The following SDK1 variants were observed in gnomAD, a reference collection of about 807,000 sequenced individuals.
The protein encoded by SDK1 is sidekick cell adhesion molecule 1.
Under a neutral mutation model 245.5 loss-of-function variants are expected in SDK1, and 157 were observed. The ratio of observed to expected loss-of-function variants is 0.64; its 90% CI spans 0.56 to 0.73. The LOEUF (loss-of-function observed/expected upper bound fraction) is 0.73. SDK1 is among the 30% of genes least tolerant of loss of function. The pLI, the probability that SDK1 is intolerant of heterozygous loss-of-function variation, is 0.00. For synonymous variants in SDK1, 1,647 were observed against 1,278.5 expected, an observed-to-expected ratio of 1.29 and a Z score of -6.15; for missense variants, 3,583 against 3,002.3, an observed-to-expected ratio of 1.19 and a Z score of -4.52.
At chr7:3,676,502 T>A (rs1583297163) in intron 4 of SDK1, among the ~76,000 whole-genome samples, 1 of 152,034 alleles carries the variant, frequency 6.6e-6, no homozygotes, top group Non-Finnish European at 1.5e-5. Context: ...ATTTTTTATA[T>A]TGTTAGTAGA....
At chr7:3,509,326 C>T (rs990782466) in intron 1 of SDK1, among the ~76,000 whole-genome samples, 2 of 152,060 alleles carry the variant, frequency 1.3e-5, no homozygotes, top group Non-Finnish European at 2.9e-5. Context: ...AATCCTGGAG[C>T]CGGAGCTGCT....
chr7:4,245,312 C>G (rs1445950426), intron 43 of SDK1, among the ~76,000 whole-genome samples: 1 of 152,164 alleles, frequency 6.6e-6, no homozygotes, highest in Admixed American at 6.5e-5. Context: ...CCTCATCTCT[C>G]TCCACTGCAC....
At chr7:3,937,141 TC>T (rs1780189615) in intron 5 of SDK1, among the ~76,000 whole-genome samples, 1 of 151,974 alleles carries the variant, frequency 6.6e-6, no homozygotes, top group Non-Finnish European at 1.5e-5. Flanking sequence ...AGATGAAACT[TC>T]TCAGCTCTCT....
chr7:3,694,327 C>T (rs1164308380), intron 4 of SDK1, among the ~76,000 whole-genome samples: 1 of 152,146 alleles, frequency 6.6e-6, no homozygotes, highest in Non-Finnish European at 1.5e-5. Flanking sequence ...AAGGCAAGGC[C>T]TGGCTTTCAC....
rs574861555 is a variant in SDK1, at chr7:3,932,704, C to T, written c.848-18219C>T. Among the ~76,000 whole-genome samples the T allele has an allele frequency of 2.0e-5, 3 of 152,302 alleles. 1 individual carries two copies. Among genetic ancestry groups the T allele is most frequent in the South Asian group, 2.1e-4 (1 of 4,822 alleles). On this transcript the variant is annotated intron_variant, in intron 5 of 44. Coordinates refer to ENST00000404826, the MANE Select transcript of SDK1 (RefSeq NM_152744.4). Reference sequence around the variant, plus strand: ...AAATTCCTCTCCAGTTGTGAATTATCGTTCTTCACTATCAAAGCATCCCTG... The same window carrying T: ...AAATTCCTCTCCAGTTGTGAATTATTGTTCTTCACTATCAAAGCATCCCTG...
intron 4 of SDK1, among the ~76,000 whole-genome samples, chr7:3,680,170 G>C (rs953410673): frequency 1.3e-5 from 2 of 152,002 alleles, no homozygotes; most frequent in Non-Finnish European, 2.9e-5. Flanking sequence ...ATCATGCTTA[G>C]GGAAAAACCC....
intron 4 of SDK1, among the ~76,000 whole-genome samples, chr7:3,742,348 T>C (rs1019096337): frequency 2.4e-4 from 37 of 152,272 alleles, no homozygotes; most frequent in African/African-American, 8.9e-4. Flanking sequence ...CCCGTCTGCC[T>C]GAAACATAAA....
rs540861925 is a variant in SDK1, at chr7:3,466,967, C to G, written c.299-152113C>G. On this transcript the variant is annotated intron_variant, in intron 1 of 44. Transcript: ENST00000404826. Reference sequence around the variant, plus strand: ...TCTCTAGTTACTTCGAAATCTCTCTCCTCTCTCTCTCTACACACACACACA... The same window carrying G: ...TCTCTAGTTACTTCGAAATCTCTCTGCTCTCTCTCTCTACACACACACACA... Among the ~76,000 whole-genome samples, 1,102 of 136,452 alleles carry G rather than the reference C, an allele frequency of 8.1e-3. 18 individuals carry two copies. The highest frequency in any genetic ancestry group is 0.012 in the Non-Finnish European group (750 of 64,040). 89.5% of individuals were successfully genotyped at this position (136,452 alleles called of 152,430 possible).
At chr7:4,069,919 T>C (rs1780140435) in intron 20 of SDK1, among the ~76,000 whole-genome samples, 1 of 152,136 alleles carries the variant, frequency 6.6e-6, no homozygotes, top group South Asian at 2.1e-4. Context: ...ATGTGCGCAT[T>C]CTCTCCTCTG....
At chr7:3,902,560 A>G (rs992153517) in intron 5 of SDK1, among the ~76,000 whole-genome samples, 7 of 152,230 alleles carry the variant, frequency 4.6e-5, no homozygotes, top group African/African-American at 1.7e-4. Context: ...CATTTGTTAT[A>G]TTACCTATTT....
chr7:3,567,096 C>T (rs1356081091), intron 1 of SDK1, among the ~76,000 whole-genome samples: 1 of 152,134 alleles, frequency 6.6e-6, no homozygotes, highest in Non-Finnish European at 1.5e-5. Flanking sequence ...AGGGATATGC[C>T]TGAGGTATAG....
chr7:3,369,244 C>G (rs1781164401), intron 1 of SDK1, among the ~76,000 whole-genome samples: 1 of 152,028 alleles, frequency 6.6e-6, no homozygotes, highest in South Asian at 2.1e-4. Context: ...CGGGGTTTCA[C>G]CATGTTGGCG....
intron 33 of SDK1, 117 bp downstream of exon 33, chr7:4,174,474 C>A: frequency 1.7e-6 from 2 of 1,189,486 alleles, no homozygotes; most frequent in Non-Finnish European, 2.4e-6. Context: ...GAAGAGGCAG[C>A]CCTGCCCTCA....
chr7:3,635,162 C>G (rs796606328), intron 2 of SDK1, among the ~76,000 whole-genome samples: 2 of 152,166 alleles, frequency 1.3e-5, no homozygotes, highest in African/African-American at 4.8e-5. Flanking sequence ...GGCATTGGCT[C>G]TTTGCATTCA....
chr7:3,606,339 T>G (rs373996088), intron 1 of SDK1, among the ~76,000 whole-genome samples: 1 of 152,192 alleles, frequency 6.6e-6, no homozygotes, highest in East Asian at 1.9e-4. Context: ...CAAGATGGCC[T>G]CCTGAGTGGT....
intron 4 of SDK1, among the ~76,000 whole-genome samples, chr7:3,782,477 C>T (rs1484611637): frequency 6.6e-6 from 1 of 152,126 alleles, no homozygotes; most frequent in Non-Finnish European, 1.5e-5. Context: ...CAGAGTTCTC[C>T]AATCAAATTC....
At chr7:3,685,757 A>G (rs1784263524) in intron 4 of SDK1, among the ~76,000 whole-genome samples, 1 of 152,190 alleles carries the variant, frequency 6.6e-6, no homozygotes, top group African/African-American at 2.4e-5. Context: ...ACCACTAAGA[A>G]AACTATCCAA....
intron 4 of SDK1, among the ~76,000 whole-genome samples, chr7:3,768,691 G>C (rs923020829): frequency 6.6e-6 from 1 of 152,130 alleles, no homozygotes; most frequent in African/African-American, 2.4e-5. Flanking sequence ...CTAAAGGTTT[G>C]GCACAGAGCT....
At chr7:3,573,003 A>C (rs1295796980) in intron 1 of SDK1, among the ~76,000 whole-genome samples, 1 of 152,022 alleles carries the variant, frequency 6.6e-6, no homozygotes, top group Non-Finnish European at 1.5e-5. Context: ...GACCACCCAA[A>C]AGTGAGGGAC....
Sources: gnomAD v4.1 joint callset for allele counts (sites outside exome capture counted in the v4.1 genomes callset) on GRCh38, gnomAD v4.1.1 for gene constraint, MANE v1.5 for transcripts, NCBI Gene and HGNC (gene_info 2026-07-23, HGNC 2026-07-21) for gene names.